The following OGDH variants were observed in gnomAD, a reference collection of about 807,000 sequenced individuals.
The protein encoded by OGDH is 2-oxoglutarate dehydrogenase complex component E1.
OGDH carries 38 observed loss-of-function variants against 116.6 expected under a neutral mutation model. That is an observed-to-expected ratio of 0.33 (90% CI 0.25 to 0.43). The LOEUF is 0.43. Among genes scored for constraint, OGDH ranks in the 20% least tolerant of loss-of-function variants. OGDH has a pLI of 1.00. For missense variants in OGDH, 825 were observed against 1,357.2 expected, an observed-to-expected ratio of 0.61 and a Z score of 6.16; for synonymous variants, 488 against 533.3, an observed-to-expected ratio of 0.92 and a Z score of 1.17.
At chr7:44,705,400 G>A (rs180855515) in intron 20 of OGDH, among the ~76,000 whole-genome samples, 1 of 152,252 alleles carries the variant, frequency 6.6e-6, no homozygotes, top group African/African-American at 2.4e-5. Flanking sequence ...TTCTTCAGTT[G>A]CCTGTGACTT....
At chr7:44,637,698 T>C (rs1785732621) in intron 2 of OGDH, among the ~76,000 whole-genome samples, 1 of 151,768 alleles carries the variant, frequency 6.6e-6, no homozygotes, top group South Asian at 2.1e-4. Flanking sequence ...TAATCCCAGC[T>C]ACTGGGGAGG....
chr7:44,653,745 C>T (rs1185390389), intron 4 of OGDH, among the ~76,000 whole-genome samples: 1 of 151,916 alleles, frequency 6.6e-6, no homozygotes, highest in Non-Finnish European at 1.5e-5. Context: ...AGGCTGGTCT[C>T]GAACTCCTGA....
chr7:44,607,031 C>T (rs2117185468), intron 1 of OGDH, among the ~76,000 whole-genome samples: 1 of 152,324 alleles, frequency 6.6e-6, no homozygotes, highest in Admixed American at 6.5e-5. Flanking sequence ...AAGGTCGCCG[C>T]GGGCGTCACG....
rs1788774935 is a variant in OGDH, at chr7:44,700,390, TGGACAGGACATGGTGTCAG to T, written c.2559+125_2559+143del. ...TAGGTGGGCACCTGCAGGGGTAGTG[TGGACAGGACATGGTGTCAG>T]GGAGCCTCGCCCTTCCTCCTCACTG... On this transcript the variant is annotated intron_variant, in intron 19 of 22. Coordinates refer to ENST00000222673, the MANE Select transcript of OGDH (RefSeq NM_002541.4). The T allele has an allele frequency of 3.1e-5, 40 of 1,275,578 alleles. No individual in the cohort carries two copies. The South Asian group carries it at 3.4e-4, about 11-fold the overall frequency. The allele number at this position is 1,275,578 out of a possible 1,614,324, so 79.0% of individuals were successfully genotyped here. A position where few individuals can be genotyped will look rare whatever the true frequency, so the allele number is the denominator to read the frequency against.
At position 44,666,867 on chromosome 7, in the gene OGDH, G is replaced by C; in HGVS notation, c.633+16G>C. 1 of 1,541,778 alleles carries C rather than the reference G, an allele frequency of 6.5e-7. No individual in the cohort carries two copies. On this transcript the variant is annotated intron_variant, in intron 5 of 22. Transcript: ENST00000222673. Reference sequence around the variant, plus strand: ...TCGGCTGGAGGTAAGAGCAGTTTCTGGAAAAATCTAATGGACTTCTTAAGA... The same window carrying C: ...TCGGCTGGAGGTAAGAGCAGTTTCTCGAAAAATCTAATGGACTTCTTAAGA...
At chr7:44,680,451 G>C (rs1787879405) in intron 9 of OGDH, among the ~76,000 whole-genome samples, 1 of 151,982 alleles carries the variant, frequency 6.6e-6, no homozygotes. Flanking sequence ...GCAGTTGTAG[G>C]AGATATTTAT....
intron 4 of OGDH, among the ~76,000 whole-genome samples, chr7:44,660,620 G>A (rs978483008): frequency 2.6e-5 from 4 of 152,094 alleles, no homozygotes; most frequent in South Asian, 4.1e-4. Context: ...CTATTGTTGG[G>A]TGGAGTATTC....
intron 9 of OGDH, among the ~76,000 whole-genome samples, chr7:44,680,824 A>T (rs1377790933): frequency 6.6e-6 from 1 of 152,198 alleles, no homozygotes; most frequent in Non-Finnish European, 1.5e-5. Context: ...CTCATGAATG[A>T]AAGAGACCTG....
At chr7:44,698,729 T>C (rs1359475722) in intron 18 of OGDH, among the ~76,000 whole-genome samples, 1 of 151,740 alleles carries the variant, frequency 6.6e-6, no homozygotes, top group East Asian at 1.9e-4. Flanking sequence ...CAGTCCCAGC[T>C]ACTTGGGAGG....
intron 3 of OGDH, among the ~76,000 whole-genome samples, chr7:44,646,801 A>C (rs1786204413): frequency 6.6e-6 from 1 of 152,178 alleles, no homozygotes; most frequent in Non-Finnish European, 1.5e-5. Context: ...TGACCTACTC[A>C]GCAGCAGCAG....
intron 1 of OGDH, among the ~76,000 whole-genome samples, chr7:44,615,825 C>G (rs78338869): frequency 6.6e-6 from 1 of 151,922 alleles, no homozygotes; most frequent in East Asian, 1.9e-4. Context: ...GTCAGGAGTT[C>G]GAGGCCACCC....
At chr7:44,630,041 G>C (rs187832516) in intron 2 of OGDH, among the ~76,000 whole-genome samples, 1 of 152,158 alleles carries the variant, frequency 6.6e-6, no homozygotes, top group Non-Finnish European at 1.5e-5. Context: ...CTCATCTGTC[G>C]ACACCGTTCT....
intron 2 of OGDH, among the ~76,000 whole-genome samples, chr7:44,631,346 C>T (rs1171861529): frequency 6.6e-6 from 1 of 152,098 alleles, no homozygotes; most frequent in Non-Finnish European, 1.5e-5. Flanking sequence ...AACATGGGTA[C>T]GTTAAGTAAT....
chr7:44,647,675 G>C lies in OGDH; in HGVS notation c.433G>C (p.Ala145Pro). 1 of 1,613,782 alleles carries C rather than the reference G, an allele frequency of 6.2e-7. No individual in the cohort carries two copies. The highest frequency in any genetic ancestry group is 8.5e-7 in the Non-Finnish European group (1 of 1,179,922). Reference protein sequence around the residue: ...RAYQIRGHHVAQLDPLGILDA... With the variant: ...RAYQIRGHHVPQLDPLGILDA... ...CTCATAGATACGAGGGCACCATGTA[G>C]CACAGCTGGACCCCCTGGGGATTTT... The change falls in exon 4 of 23, where the codon GCA (alanine) becomes CCA (proline). Residue 145 changes from alanine to proline, a missense_variant. Ala to Pro is a conservative substitution (Grantham distance 27). Around this residue, in one of 7 missense-constraint regions of OGDH, gnomAD observed 171 missense variants for 276.8 expected, o/e 0.62. Coordinates refer to ENST00000222673, the MANE Select transcript of OGDH (RefSeq NM_002541.4).
intron 20 of OGDH, among the ~76,000 whole-genome samples, chr7:44,702,529 G>A (rs549168542): frequency 6.6e-6 from 1 of 152,180 alleles, no homozygotes; most frequent in East Asian, 1.9e-4. Context: ...CTTCAATCAA[G>A]GTGAGCCCCT....
intron 10 of OGDH, among the ~76,000 whole-genome samples, chr7:44,690,760 A>G (rs190921465): frequency 9.2e-5 from 14 of 152,312 alleles, no homozygotes; most frequent in African/African-American, 2.2e-4. Flanking sequence ...TGAGACCTCA[A>G]CCTTGCAAAA....
chr7:44,693,839 C>T lies in OGDH; in HGVS notation c.1350C>T (p.Thr450=), dbSNP rs563758312. Residue 450 remains threonine, a synonymous_variant, in exon 11 of 23, where the codon ACC becomes ACT. Coordinates refer to ENST00000222673, the MANE Select transcript of OGDH (RefSeq NM_002541.4). The part of the protein sequence containing the change: ...VVVNNQIGFT[T]DPRMARSSPY... ...GTTCCTTGCAGATCGGCTTCACCAC[C>T]GACCCTCGGATGGCCCGCTCCTCCC... 6.9e-6 allele frequency: 11 copies of T among 1,595,598 alleles called. No individual in the cohort carries two copies. Among genetic ancestry groups the T allele is most frequent in the East Asian group, 2.3e-5 (1 of 44,400 alleles).
At chr7:44,693,619 T>C (rs1788457187) in intron 10 of OGDH, among the ~76,000 whole-genome samples, 1 of 152,250 alleles carries the variant, frequency 6.6e-6, no homozygotes, top group South Asian at 2.1e-4. Flanking sequence ...CTATGTCTTT[T>C]AAATTCTCTA....
chr7:44,684,404 C>T (rs1037715677), intron 10 of OGDH, among the ~76,000 whole-genome samples: 1 of 152,154 alleles, frequency 6.6e-6, no homozygotes, highest in Non-Finnish European at 1.5e-5. Context: ...TAAATATGCT[C>T]ACTAAGTAGC....
Sources: allele counts gnomAD v4.1 joint callset (sites outside exome capture counted in the v4.1 genomes callset), GRCh38; gene constraint gnomAD v4.1.1; regional missense constraint gnomAD v4.1.1; transcripts MANE v1.5; gene names NCBI Gene and HGNC (gene_info 2026-07-23, HGNC 2026-07-21).